Variants in ABCC9 observed in about 807,000 individuals in gnomAD.
The protein encoded by ABCC9 is ATP-binding cassette sub-family C member 9.
A neutral mutation model predicts 188.3 loss-of-function variants in ABCC9; 95 were observed. The ratio of observed to expected loss-of-function variants is 0.50; its 90% CI spans 0.43 to 0.60. The LOEUF (loss-of-function observed/expected upper bound fraction) is 0.60, where lower values mean the gene tolerates loss of function less well. Ranked by LOEUF, ABCC9 falls within the 20% of genes least tolerant of loss-of-function variation. ABCC9 has a pLI of 0.00. For synonymous variants in ABCC9, 659 were observed against 652.7 expected (o/e 1.01, Z -0.15); for missense variants, 1,102 against 1,876.3 (o/e 0.59, Z 7.62).
At chr12:21,802,106 G>A (rs1941476103) in intron 39 of ABCC9, among the ~76,000 whole-genome samples, 2 of 152,120 alleles carry the variant, frequency 1.3e-5, no homozygotes, top group Non-Finnish European at 2.9e-5. Flanking sequence ...CTGGGCTTGT[G>A]TATTTTGGCT....
chr12:21,881,467 T>C (rs1946613479), intron 16 of ABCC9, among the ~76,000 whole-genome samples: 1 of 152,048 alleles, frequency 6.6e-6, no homozygotes, highest in South Asian at 2.1e-4. Flanking sequence ...TAGTCTCTCT[T>C]TTCTTTCAAA....
rs549728515 is a variant in ABCC9, at chr12:21,822,200, T to C, written c.3670-3949A>G. On this transcript the variant is annotated intron_variant, in intron 31 of 39. Transcript: ENST00000261200. Reference sequence around the variant, plus strand: ...AGTATGTATAACAAAGTTATTTTATTATAAAAATATTTTTAAACTTTCTTT... The same window carrying C: ...AGTATGTATAACAAAGTTATTTTATCATAAAAATATTTTTAAACTTTCTTT... Among the ~76,000 whole-genome samples, 116 of 152,258 alleles carry C rather than the reference T, an allele frequency of 7.6e-4. 1 individual carries two copies. Among genetic ancestry groups the C allele is most frequent in the Non-Finnish European group, 1.5e-3 (104 of 68,010 alleles).
At position 21,798,188 on chromosome 12, in the gene ABCC9, G is replaced by A. The variant is rs1254591171; in HGVS notation, c.*2856C>T. The A allele has an allele frequency of 6.6e-6, 1 of 152,134 alleles. No individual in the cohort carries two copies. The highest frequency in any genetic ancestry group is 2.4e-5 in the African/African-American group (1 of 41,422). 9.4% of individuals were successfully genotyped at this position (152,134 alleles called of 1,614,324 possible). On this transcript the variant is annotated 3_prime_UTR_variant, in exon 40 of 40. Transcript: ENST00000261200. ...TCTTTAGTTTAGTGTAACTAGATAG[G>A]CTTCTACTGATGTTGCCTGTAGCAA...
At chr12:21,849,833 AC>A (rs2137425467) in intron 24 of ABCC9, among the ~76,000 whole-genome samples, 1 of 152,282 alleles carries the variant, frequency 6.6e-6, no homozygotes, top group East Asian at 1.9e-4. Context: ...ATTCTGCTTA[AC>A]AGCATTAAGA....
chr12:21,824,319 C>T (rs1431435121), intron 31 of ABCC9, among the ~76,000 whole-genome samples: 1 of 152,100 alleles, frequency 6.6e-6, no homozygotes, highest in Non-Finnish European at 1.5e-5. Flanking sequence ...GTTGAACCAG[C>T]TTTGCATCCC....
chr12:21,818,786 C>A (rs1438540755), intron 31 of ABCC9, among the ~76,000 whole-genome samples: 2 of 151,154 alleles, frequency 1.3e-5, no homozygotes, highest in Non-Finnish European at 2.9e-5. Context: ...TGTAGTGAGG[C>A]CCTTGCAGAA....
rs766534765 is a variant in ABCC9, at chr12:21,801,216, A to G, written c.4513-35T>C. The G allele has an allele frequency of 3.7e-6, 6 of 1,612,858 alleles. No homozygotes were observed. The Admixed American group carries it at 8.3e-5, about 22-fold the overall frequency. On this transcript the variant is annotated intron_variant, in intron 39 of 39. Transcript: ENST00000261200. ...AAAAGAAAACATGTATTTGTTACAC[A>G]TTTCAGGGCACACGCCAAAACAATG...
intron 33 of ABCC9, among the ~76,000 whole-genome samples, 153 bp from the exon 34 acceptor site, chr12:21,816,046 T>G (rs951114467): frequency 9.6e-5 from 4 of 41,876 alleles, no homozygotes; most frequent in Non-Finnish European, 1.8e-4. Flanking sequence ...GTTTTTTTTT[T>G]TTTTTTTTTT....
At position 21,875,644 on chromosome 12, in the gene ABCC9, T is replaced by G; in HGVS notation, c.2092+10A>C. The G allele has an allele frequency of 6.3e-7, 1 of 1,596,066 alleles. No individual in the cohort carries two copies. Among genetic ancestry groups the G allele is most frequent in the South Asian group, 1.1e-5 (1 of 90,628 alleles). On this transcript the variant is annotated intron_variant, in intron 17 of 39. Coordinates refer to ENST00000261200, the MANE Select transcript of ABCC9 (RefSeq NM_020297.4). ...AACAATTACAAAAATGCATAACAGA[T>G]AACTCTTACCTGTTGGAATTCGAAT... is the stretch of plus-strand genomic sequence containing the variant.
intron 30 of ABCC9, among the ~76,000 whole-genome samples, chr12:21,833,460 T>C (rs973661697): frequency 2.0e-5 from 3 of 151,906 alleles, no homozygotes; most frequent in African/African-American, 7.3e-5. Flanking sequence ...TAATGTAAAA[T>C]TAAGGATAGT....
intron 29 of ABCC9, among the ~76,000 whole-genome samples, chr12:21,840,064 T>G (rs887860422): frequency 5.3e-5 from 8 of 152,194 alleles, no homozygotes; most frequent in African/African-American, 1.7e-4. Flanking sequence ...TATAAAACTG[T>G]GTTTGATAAA....
Position 21,913,083 on chromosome 12 carries a change from GA to G in ABCC9, c.817-18del, listed in dbSNP as rs199947733. The G allele has an allele frequency of 8.1e-4, 1,080 of 1,327,308 alleles. 2 individuals are homozygous for G. The African/African-American group carries it at 0.013, about 16-fold the overall frequency. The allele number at this position is 1,327,308 out of a possible 1,614,324, so 82.2% of individuals were successfully genotyped here. On this transcript the variant is annotated intron_variant, in intron 7 of 39. Coordinates refer to ENST00000261200, the MANE Select transcript of ABCC9 (RefSeq NM_020297.4). ...AACTTTTTTCTGAAGAAAAAAAAAA[GA>G]AAAAAAAAACAGATGTAACAAAATA...
chr12:21,817,819 A>G (rs1942746702), intron 32 of ABCC9, among the ~76,000 whole-genome samples: 3 of 152,106 alleles, frequency 2.0e-5, no homozygotes, highest in Admixed American at 1.3e-4. Context: ...CCTTTCCTCT[A>G]ACGTCCATGA....
Position 21,855,207 on chromosome 12 carries a change from A to ATATT in ABCC9, c.2506-2706_2506-2703dup, listed in dbSNP as rs534847124. 6.6e-5 allele frequency among the ~76,000 whole-genome samples: 10 copies of ATATT among 152,028 alleles called. No homozygotes were observed. The South Asian group carries it at 8.3e-4, about 13-fold the overall frequency. On this transcript the variant is annotated intron_variant, in intron 22 of 39. Coordinates refer to ENST00000261200, the MANE Select transcript of ABCC9 (RefSeq NM_020297.4). ...CAATTTGACTGTCCATAAAATTCTG[A>ATATT]TATTTATTTATTTATTTATTTATTT... is the stretch of plus-strand genomic sequence containing the variant.
At chr12:21,874,316 A>C (rs1269461242) in intron 17 of ABCC9, among the ~76,000 whole-genome samples, 1 of 152,150 alleles carries the variant, frequency 6.6e-6, no homozygotes, top group African/African-American at 2.4e-5. Flanking sequence ...TTATCACCTC[A>C]CACCTGTTAG....
chr12:21,929,737 T>C (rs1165777840), intron 4 of ABCC9, among the ~76,000 whole-genome samples: 1 of 152,176 alleles, frequency 6.6e-6, no homozygotes, highest in Non-Finnish European at 1.5e-5. Flanking sequence ...TGTTTGGATT[T>C]AGAAGTAACT....
At chr12:21,907,125 A>G (rs1470621336) in intron 11 of ABCC9, among the ~76,000 whole-genome samples, 1 of 152,110 alleles carries the variant, frequency 6.6e-6, no homozygotes, top group Non-Finnish European at 1.5e-5. Flanking sequence ...ATGCCTATCA[A>G]ATGATTGTTC....
At chr12:21,803,619 C>A (rs1941633225) in intron 39 of ABCC9, among the ~76,000 whole-genome samples, 3 of 144,452 alleles carry the variant, frequency 2.1e-5, no homozygotes, top group African/African-American at 7.8e-5. Context: ...CGAGCCATTG[C>A]ACTCCAGCCT....
In ABCC9 at chr12:21,827,663, C is replaced by G. The variant is rs530689061; in HGVS notation, c.3669+1295G>C. Among the ~76,000 whole-genome samples the G allele has an allele frequency of 2.0e-4, 30 of 151,808 alleles. No homozygotes were observed. The South Asian group carries it at 5.8e-3, about 30-fold the overall frequency. The stretch of plus-strand genomic sequence containing the variant: ...TAATGTTTTGGTTTTGTGATAAATC[C>G]TAAGTAACACTTCACTTGCCTTTAT... On this transcript the variant is annotated intron_variant, in intron 31 of 39. Coordinates refer to ENST00000261200, the MANE Select transcript of ABCC9 (RefSeq NM_020297.4).
Sources: allele counts gnomAD v4.1 joint callset (sites outside exome capture counted in the v4.1 genomes callset), GRCh38; gene constraint gnomAD v4.1.1; transcripts MANE v1.5; gene names NCBI Gene and HGNC (gene_info 2026-07-23, HGNC 2026-07-21).